Variants in LOXL2 observed in about 807,000 individuals in gnomAD.
LOXL2 encodes the protein lysyl oxidase homolog 2.
Under a neutral mutation model 93.0 loss-of-function variants are expected in LOXL2, and 70 were observed. The ratio of observed to expected loss-of-function variants is 0.75; its 90% CI spans 0.62 to 0.92. The LOEUF is 0.92. Ranked by LOEUF, LOXL2 falls within the 40% of genes least tolerant of loss-of-function variation. The probability of loss-of-function intolerance (pLI) is 0.00; values close to 1 mark genes in which losing one functional copy is unlikely to be tolerated. For synonymous variants in LOXL2, 438 were observed against 413.2 expected (o/e 1.06, Z -0.73); for missense variants, 973 against 1,054.9 (o/e 0.92, Z 1.08).
In LOXL2 at chr8:23,302,050, G is replaced by A. The variant is rs1325183668; in HGVS notation, c.2110C>T (p.Pro704Ser). ...DCQWVDITDV[P>S]PGDYLFQVVI... ...ACCTGGAACAGGTAGTCTCCAGGGG[G>A]CACGTCAGTGATGTCAACCCACTGG... Residue 704 changes from proline to serine, a missense_variant, in exon 12 of 14, where the codon CCC becomes TCC. Coordinates refer to ENST00000389131, the MANE Select transcript of LOXL2 (RefSeq NM_002318.3). The A allele has an allele frequency of 6.2e-7, 1 of 1,614,122 alleles. No individual in the cohort carries two copies. Among genetic ancestry groups the A allele is most frequent in the Non-Finnish European group, 8.5e-7 (1 of 1,179,994 alleles).
chr8:23,368,076 A>T lies in LOXL2; in HGVS notation c.276T>A (p.Ala92=). 6.2e-7 allele frequency: 1 copy of T among 1,614,064 alleles called. No individual in the cohort carries two copies. The highest frequency in any genetic ancestry group is 8.5e-7 in the Non-Finnish European group (1 of 1,180,038). ...CCAGCTCCCGGCAGACGACGTGGGC[A>T]GCGTGGATGGAGAAGTCGTCATCGC... is the stretch of plus-strand genomic sequence containing the variant. ...TVCDDDFSIH[A]AHVVCRELGY... The change falls in exon 2 of 14, where the codon GCT becomes GCA. Residue 92 remains alanine, a synonymous_variant. Coordinates refer to ENST00000389131, the MANE Select transcript of LOXL2 (RefSeq NM_002318.3).
intron 5 of LOXL2, among the ~76,000 whole-genome samples, chr8:23,332,372 C>T (rs1803701616): frequency 7.5e-6 from 1 of 133,492 alleles, no homozygotes. Flanking sequence ...CCCACACACA[C>T]CCCACATACA....
chr8:23,393,812 G>A (rs554186465), intron 1 of LOXL2, among the ~76,000 whole-genome samples: 7 of 152,306 alleles, frequency 4.6e-5, no homozygotes, highest in South Asian at 4.1e-4. Flanking sequence ...AATATTTATC[G>A]CACTTATTCT....
intron 3 of LOXL2, among the ~76,000 whole-genome samples, chr8:23,347,565 G>A (rs986924835): frequency 3.3e-5 from 5 of 152,066 alleles, no homozygotes; most frequent in Admixed American, 3.3e-4. Flanking sequence ...CAGGAAAATC[G>A]CTTGAACCCA....
intron 3 of LOXL2, among the ~76,000 whole-genome samples, chr8:23,351,778 G>A (rs1296464263): frequency 6.6e-6 from 1 of 152,184 alleles, no homozygotes; most frequent in Non-Finnish European, 1.5e-5. Flanking sequence ...TTGGTAGCTG[G>A]CAAGCCCTGG....
chr8:23,345,240 C>T (rs901316889), intron 3 of LOXL2, among the ~76,000 whole-genome samples: 2 of 152,232 alleles, frequency 1.3e-5, no homozygotes, highest in Non-Finnish European at 2.9e-5. Context: ...AACCCGTGCT[C>T]CAGGCTCATA....
chr8:23,327,644 GCA>G lies in LOXL2; in HGVS notation c.1150+736_1150+737del, dbSNP rs1341718105. Among the ~76,000 whole-genome samples the G allele has an allele frequency of 3.9e-5, 6 of 152,238 alleles. No homozygotes were observed. The East Asian group carries it at 7.7e-4, about 20-fold the overall frequency. On this transcript the variant is annotated intron_variant, in intron 6 of 13. Transcript: ENST00000389131. Reference sequence around the variant, plus strand: ...GGGGAAGACTGGGCACTCCTAGACCGCACAGTCTGTTCGGGGTAAAATCTCCC... The same window carrying G: ...GGGGAAGACTGGGCACTCCTAGACCGCAGTCTGTTCGGGGTAAAATCTCCC...
At chr8:23,370,408 C>T (rs954196943) in intron 1 of LOXL2, among the ~76,000 whole-genome samples, 4 of 152,174 alleles carry the variant, frequency 2.6e-5, no homozygotes, top group African/African-American at 9.7e-5. Flanking sequence ...GCCACCGGAC[C>T]CTCAGGCCCA....
intron 1 of LOXL2, among the ~76,000 whole-genome samples, chr8:23,393,645 A>T (rs556254504): frequency 7.2e-5 from 11 of 152,334 alleles, no homozygotes; most frequent in African/African-American, 2.4e-4. Flanking sequence ...GTGATTTCTT[A>T]GACATTACAC....
At chr8:23,360,911 T>G (rs9644073) in intron 2 of LOXL2, among the ~76,000 whole-genome samples, 2 of 148,006 alleles carry the variant, frequency 1.4e-5, no homozygotes, top group South Asian at 2.2e-4. Context: ...TTGTTTTTTG[T>G]TTTTTTTTTA....
At chr8:23,390,025 A>G (rs1257638668) in intron 1 of LOXL2, among the ~76,000 whole-genome samples, 1 of 152,154 alleles carries the variant, frequency 6.6e-6, no homozygotes, top group Non-Finnish European at 1.5e-5. Flanking sequence ...TTCCTTCCAG[A>G]CAGAATGTTC....
In LOXL2 at chr8:23,321,838, C is replaced by T. The variant is rs994309160; in HGVS notation, c.1302+292G>A. 2.1e-5 allele frequency: 8 copies of T among 376,366 alleles called. 1 individual carries two copies. The highest frequency in any genetic ancestry group is 4.9e-5 in the East Asian group (1 of 20,594). 23.3% of individuals were successfully genotyped at this position (376,366 alleles called of 1,614,324 possible). A position where few individuals can be genotyped will look rare whatever the true frequency, so the allele number is the denominator to read the frequency against. ...ATAAGGTTGTGGCTAGCCGGTCCCA[C>T]GCCTGTCTTTGGAGGTGGTGGGGCA... On this transcript the variant is annotated intron_variant, in intron 7 of 13. Coordinates refer to ENST00000389131, the MANE Select transcript of LOXL2 (RefSeq NM_002318.3).
intron 2 of LOXL2, chr8:23,365,726 ACCCACCC>A (rs1804390217): frequency 1.3e-5 from 2 of 152,182 alleles, no homozygotes; most frequent in Non-Finnish European, 2.9e-5. Context: ...CAGAGATTGC[ACCCACCC>A]TTCAATCTCC....
intron 1 of LOXL2, among the ~76,000 whole-genome samples, chr8:23,401,458 C>G (rs1264883929): frequency 6.6e-6 from 1 of 152,060 alleles, no homozygotes; most frequent in African/African-American, 2.4e-5. Context: ...AGAAATCACA[C>G]TGAAATATGT....
At chr8:23,305,603 A>G (rs911344291) in intron 10 of LOXL2, among the ~76,000 whole-genome samples, 1 of 150,428 alleles carries the variant, frequency 6.6e-6, no homozygotes, top group African/African-American at 2.4e-5. Flanking sequence ...CGAGGAAGGT[A>G]TTCCTCCTCT....
At chr8:23,386,700 A>T (rs1361549289) in intron 1 of LOXL2, among the ~76,000 whole-genome samples, 2 of 150,662 alleles carry the variant, frequency 1.3e-5, no homozygotes, top group Non-Finnish European at 3.0e-5. Flanking sequence ...TGACAGTCTA[A>T]GAAGCATCTG....
intron 3 of LOXL2, among the ~76,000 whole-genome samples, chr8:23,346,158 A>AAATAAATTAAAAAAT (rs1563197443): frequency 7.2e-6 from 1 of 138,098 alleles, no homozygotes; most frequent in African/African-American, 2.7e-5. Flanking sequence ...AAATAAAATA[A>AAATAAATTAAAAAAT]AAAATAAAAT....
chr8:23,314,651 G>T (rs188090419), intron 9 of LOXL2, among the ~76,000 whole-genome samples: 1 of 151,592 alleles, frequency 6.6e-6, no homozygotes. Context: ...TGTGGGGTGC[G>T]GGGAGAGGGG....
chr8:23,346,131 A>AAG lies in LOXL2; in HGVS notation c.532-4929_532-4928insCT, dbSNP rs1178368575. On this transcript the variant is annotated intron_variant, in intron 3 of 13. Coordinates refer to ENST00000389131, the MANE Select transcript of LOXL2 (RefSeq NM_002318.3). Reference sequence around the variant, plus strand: ...TAAAATAAAATTAAAATAAAATAAAATAAAATAAAATAAATAAAATAAAAT... The same window carrying AAG: ...TAAAATAAAATTAAAATAAAATAAAAAGTAAAATAAAATAAATAAAATAAAAT... 1.6e-3 allele frequency among the ~76,000 whole-genome samples: 93 copies of AAG among 59,714 alleles called. No individual in the cohort carries two copies. The Admixed American group carries it at 0.017, about 11-fold the overall frequency. The allele number at this position is 59,714 out of a possible 152,430, so 39.2% of individuals were successfully genotyped here. A position where few individuals can be genotyped will look rare whatever the true frequency, so the allele number is the denominator to read the frequency against.
Sources: gnomAD v4.1 joint callset for allele counts (sites outside exome capture counted in the v4.1 genomes callset) on GRCh38, gnomAD v4.1.1 for gene constraint, MANE v1.5 for transcripts, NCBI Gene and HGNC (gene_info 2026-07-23, HGNC 2026-07-21) for gene names.